The following VNN1 variants were observed in gnomAD, a reference collection of about 807,000 sequenced individuals.
VNN1 encodes the protein vanin 1.
Under a neutral mutation model 41.9 loss-of-function variants are expected in VNN1, and 29 were observed. The observed-to-expected ratio is 0.69, with a 90% CI of 0.52 to 0.94. The LOEUF (loss-of-function observed/expected upper bound fraction) is 0.94, where lower values mean the gene tolerates loss of function less well. Ranked by LOEUF, VNN1 falls within the 40% of genes least tolerant of loss-of-function variation. The pLI, the probability that VNN1 is intolerant of heterozygous loss-of-function variation, is 0.00. For synonymous variants in VNN1, 233 were observed against 224.4 expected (o/e 1.04, Z -0.34); for missense variants, 637 against 621.1 (o/e 1.03, Z -0.27).
chr6:132,692,360 C>A lies in VNN1; in HGVS notation c.1051G>T (p.Ala351Ser). Residue 351 changes from alanine (A) to serine (S), a missense_variant, in exon 5 of 7, where the codon GCA becomes TCA. Coordinates refer to ENST00000367928, the MANE Select transcript of VNN1 (RefSeq NM_004666.3). ...EFTFVKLTGV[A>S]GNYTVCQKDL... is the part of the protein sequence containing the mutation. ...TTCTGACAAACTGTATAATTTCCTG[C>A]AACTCCTGTGAGCTTCACAAAAGTG... 1.2e-6 allele frequency: 2 copies of A among 1,614,182 alleles called. No individual in the cohort carries two copies. The highest frequency in any genetic ancestry group is 1.7e-6 in the Non-Finnish European group (2 of 1,180,034).
At chr6:132,692,832 A>T (rs1778312040) in intron 4 of VNN1, among the ~76,000 whole-genome samples, 192 bp downstream of exon 4, 1 of 152,198 alleles carries the variant, frequency 6.6e-6, no homozygotes, top group African/African-American at 2.4e-5. Flanking sequence ...AATCAAGTTA[A>T]ATAAAACCAA....
chr6:132,697,647 A>G (rs185881418), intron 2 of VNN1, among the ~76,000 whole-genome samples: 1 of 151,784 alleles, frequency 6.6e-6, no homozygotes, highest in Admixed American at 6.6e-5. Context: ...AAATTTGGTG[A>G]CATCAAATAT....
At chr6:132,695,370 A>G (rs2114350786) in intron 2 of VNN1, among the ~76,000 whole-genome samples, 1 of 152,302 alleles carries the variant, frequency 6.6e-6, no homozygotes, top group Admixed American at 6.5e-5. Flanking sequence ...TCTTAGCTCA[A>G]TAGTGGTTAC....
chr6:132,686,306 G>T (rs1344001845), intron 5 of VNN1, among the ~76,000 whole-genome samples: 1 of 152,092 alleles, frequency 6.6e-6, no homozygotes, highest in Non-Finnish European at 1.5e-5. Context: ...AAATTAGCTG[G>T]GAGTGGTGGC....
In VNN1 at chr6:132,713,959, G is replaced by A. The variant is rs2294757; in HGVS notation, c.77C>T (p.Thr26Ile). The change falls in exon 1 of 7, where the codon ACT becomes ATT. Residue 26 changes from threonine (T) to isoleucine (I), a missense_variant. Transcript: ENST00000367928. ...CGCTGCATGCTCATAAACAGCTGCA[G>A]TGAAAGTGTCCTGGCAGCTGGCTCT... ...VSRASCQDTF[T>I]AAVYEHAAIL... 0.41 allele frequency: 657,583 copies of A among 1,613,842 alleles called. 144,305 individuals are homozygous for A. Among genetic ancestry groups the A allele is most frequent in the African/African-American group, 0.84 (62,884 of 74,980 alleles).
In VNN1 at chr6:132,684,477, G is replaced by A; in HGVS notation, c.1217C>T (p.Thr406Ile). The part of the protein sequence containing the change: ...QICTLLKCKT[T>I]NLNTCGDSAE... ...TGAGTCACCGCAAGTGTTTAAATTA[G>A]TCGTTTTACATTTCAACAGGGTACA... Residue 406 changes from threonine to isoleucine, a missense_variant, in exon 6 of 7, where the codon ACT becomes ATT. By Grantham distance (89) the Thr-to-Ile change is moderately conservative. Transcript: ENST00000367928. 1 of 1,614,080 alleles carries A rather than the reference G, an allele frequency of 6.2e-7. No individual in the cohort carries two copies. The highest frequency in any genetic ancestry group is 8.5e-7 in the Non-Finnish European group (1 of 1,180,000).
At chr6:132,688,827 A>T (rs1778240487) in intron 5 of VNN1, among the ~76,000 whole-genome samples, 1 of 152,062 alleles carries the variant, frequency 6.6e-6, no homozygotes, top group Non-Finnish European at 1.5e-5. Context: ...TGTGTTCATG[A>T]TACTATTTTT....
rs556305505 is a variant in VNN1, at chr6:132,701,363, C to T, written c.342-7181G>A. Among the ~76,000 whole-genome samples, 6 of 152,288 alleles carry T rather than the reference C, an allele frequency of 3.9e-5. No homozygotes were observed. In the East Asian group the frequency reaches 1.2e-3, roughly 29 times the overall value. ...GTAATATATAATTCAGACATGTGCACTTTATTATACAGAAGGAATATACCT... is the reference window on the plus strand; with the variant it reads ...GTAATATATAATTCAGACATGTGCATTTTATTATACAGAAGGAATATACCT... On this transcript the variant is annotated intron_variant, in intron 2 of 6. Coordinates refer to ENST00000367928, the MANE Select transcript of VNN1 (RefSeq NM_004666.3).
intron 6 of VNN1, among the ~76,000 whole-genome samples, chr6:132,683,625 C>T (rs1189634991): frequency 6.6e-6 from 1 of 152,186 alleles, no homozygotes; most frequent in Non-Finnish European, 1.5e-5. Flanking sequence ...ACCTAGTCCT[C>T]TCAGACAAGA....
chr6:132,704,800 T>TA (rs1397852891), intron 2 of VNN1, among the ~76,000 whole-genome samples: 245 of 149,202 alleles, frequency 1.6e-3, no homozygotes, highest in South Asian at 4.0e-3. Context: ...TTAGTGAGAC[T>TA]AAGAAAAAAA....
At chr6:132,705,268 A>T (rs1438318889) in intron 2 of VNN1, among the ~76,000 whole-genome samples, 10 of 152,086 alleles carry the variant, frequency 6.6e-5, no homozygotes, top group Admixed American at 6.5e-4. Flanking sequence ...ATGCAAAAAA[A>T]CCTCAACAAA....
chr6:132,705,689 G>T (rs532409929), intron 2 of VNN1, among the ~76,000 whole-genome samples: 1 of 152,200 alleles, frequency 6.6e-6, no homozygotes, highest in East Asian at 1.9e-4. Context: ...ACAAGAGAAA[G>T]AAATAAAATG....
chr6:132,687,145 G>C (rs1345235886), intron 5 of VNN1, among the ~76,000 whole-genome samples: 1 of 152,094 alleles, frequency 6.6e-6, no homozygotes, highest in Admixed American at 6.6e-5. Flanking sequence ...GGGAAGGTGT[G>C]GAATGAGGAA....
intron 5 of VNN1, among the ~76,000 whole-genome samples, chr6:132,688,025 C>T (rs2114336492): frequency 6.6e-6 from 1 of 152,086 alleles, no homozygotes; most frequent in South Asian, 2.1e-4. Context: ...GTGTCTCTTC[C>T]CTTGGTTTGG....
At chr6:132,709,917 T>C (rs1258754198) in intron 2 of VNN1, among the ~76,000 whole-genome samples, 4 of 152,136 alleles carry the variant, frequency 2.6e-5, no homozygotes. Context: ...ACATATGACA[T>C]GATTAAATAA....
chr6:132,684,392 C>T lies in VNN1; in HGVS notation c.1302G>A (p.Gln434=). 1 of 1,614,036 alleles carries T rather than the reference C, an allele frequency of 6.2e-7. No homozygotes were observed. The highest frequency in any genetic ancestry group is 1.7e-5 in the Admixed American group (1 of 60,010). ...MFSLSGTFGT[Q]YVFPEVLLSE... The stretch of plus-strand genomic sequence containing the variant: ...TCAGCAACACCTCAGGAAAGACATA[C>T]TGGGTTCCGAAAGTGCCACTGAGGG... The change falls in exon 6 of 7, where the codon CAG becomes CAA. Residue 434 remains glutamine, a synonymous_variant. Transcript: ENST00000367928.
chr6:132,702,692 T>G (rs549892655), intron 2 of VNN1, among the ~76,000 whole-genome samples: 2 of 152,148 alleles, frequency 1.3e-5, no homozygotes, highest in African/African-American at 4.8e-5. Flanking sequence ...CACAGTAAAA[T>G]AAAGCACCAA....
At chr6:132,694,300 TAACA>T in intron 2 of VNN1, 118 bp from the exon 3 acceptor site, 1 of 1,017,666 alleles carries the variant, frequency 9.8e-7, no homozygotes, top group Non-Finnish European at 1.4e-6. Flanking sequence ...AAATTCTAAA[TAACA>T]ATAATTAGAA....
At chr6:132,695,099 C>A (rs1475340405) in intron 2 of VNN1, among the ~76,000 whole-genome samples, 1 of 152,126 alleles carries the variant, frequency 6.6e-6, no homozygotes, top group Non-Finnish European at 1.5e-5. Flanking sequence ...TTGTGGTGAG[C>A]TGAGATCATG....
Sources: gnomAD v4.1 joint callset for allele counts (sites outside exome capture counted in the v4.1 genomes callset) on GRCh38, gnomAD v4.1.1 for gene constraint, MANE v1.5 for transcripts, NCBI Gene and HGNC (gene_info 2026-07-23, HGNC 2026-07-21) for gene names.